Variants in MET observed in about 807,000 individuals in gnomAD.
MET encodes the protein MET proto-oncogene, receptor tyrosine kinase.
Under a neutral mutation model 133.1 loss-of-function variants are expected in MET, and 48 were observed. The ratio of observed to expected loss-of-function variants is 0.36; its 90% CI spans 0.29 to 0.46. The LOEUF (loss-of-function observed/expected upper bound fraction) is 0.46. MET is among the 20% of genes least tolerant of loss of function. The pLI is 1.00. For missense variants in MET, 1,442 were observed against 1,695.9 expected (o/e 0.85, Z 2.63); for synonymous variants, 628 against 616.5 (o/e 1.02, Z -0.28).
chr7:116,740,116 C>T (rs140508886), intron 4 of MET, 32 bp downstream of exon 4: 70 of 1,613,346 alleles, frequency 4.3e-5, no homozygotes, highest in African/African-American at 1.3e-4. Context: ...TTTCCATAGA[C>T]GTGGTTTTTC....
At chr7:116,778,646 C>A in intron 16 of MET, 130 bp from the exon 17 acceptor site, 1 of 973,392 alleles carries the variant, frequency 1.0e-6, no homozygotes, top group Non-Finnish European at 1.6e-6. Context: ...AAAGAACACT[C>A]TGCAGTCAAA....
Position 116,769,637 on chromosome 7 carries a change from C to G in MET, c.2584-8C>G, listed in dbSNP as rs370833501. On this transcript the variant is annotated splice_polypyrimidine_tract_variant and splice_region_variant and intron_variant, in intron 11 of 20. Coordinates refer to ENST00000397752, the MANE Select transcript of MET (RefSeq NM_000245.4). ...GTTAACAACCTTTTTTTTTTTTTTT[C>G]CTTTCAGGGAAATGATATTGACCCT... 6.5e-6 allele frequency: 10 copies of G among 1,532,616 alleles called. No homozygotes were observed. The African/African-American group carries it at 1.1e-4, about 16-fold the overall frequency. 94.9% of individuals were successfully genotyped at this position (1,532,616 alleles called of 1,614,324 possible). A position where few individuals can be genotyped will look rare whatever the true frequency, so the allele number is the denominator to read the frequency against.
chr7:116,777,955 C>A (rs1795044936), intron 16 of MET, among the ~76,000 whole-genome samples: 1 of 152,164 alleles, frequency 6.6e-6, no homozygotes, highest in Non-Finnish European at 1.5e-5. Context: ...CCTCATTTAT[C>A]CACATTTTTG....
At chr7:116,718,496 C>T (rs1041154057) in intron 2 of MET, among the ~76,000 whole-genome samples, 3 of 151,690 alleles carry the variant, frequency 2.0e-5, no homozygotes, top group Non-Finnish European at 2.9e-5. Flanking sequence ...AGTGGATAAG[C>T]CTTTTTTTTT....
intron 2 of MET, among the ~76,000 whole-genome samples, chr7:116,717,593 A>G (rs775694331): frequency 6.6e-6 from 1 of 152,234 alleles, no homozygotes; most frequent in Non-Finnish European, 1.5e-5. Flanking sequence ...TAAAGTATAT[A>G]TTCAAATGCT....
chr7:116,769,257 T>C (rs913250114), intron 11 of MET, among the ~76,000 whole-genome samples: 3 of 152,220 alleles, frequency 2.0e-5, no homozygotes, highest in Admixed American at 6.5e-5. Context: ...AATCTCTGCA[T>C]TGGGCAGTGT....
chr7:116,774,209 T>C (rs1794920284), intron 14 of MET, among the ~76,000 whole-genome samples: 1 of 152,194 alleles, frequency 6.6e-6, no homozygotes. Context: ...AGAGCTTTGG[T>C]TATAAAGATC....
Position 116,763,666 on chromosome 7 carries a change from ACTT to A in MET, c.2583+399_2583+401del, listed in dbSNP as rs199760475. ...TTGTATCTCCGTTCTTCCTTGTAAT[ACTT>A]GGAATTTTGTATCTGGGTATGGTCA... is the stretch of plus-strand genomic sequence containing the variant. On this transcript the variant is annotated intron_variant, in intron 11 of 20. Transcript: ENST00000397752. 1.7e-4 allele frequency among the ~76,000 whole-genome samples: 26 copies of A among 152,334 alleles called. No homozygotes were observed. The East Asian group carries it at 5.0e-3, about 29-fold the overall frequency.
rs1795706713 is a variant in MET at position 116,797,296 on chromosome 7, C to G, written c.*1172C>G. 1 of 224,304 alleles carries G rather than the reference C, an allele frequency of 4.5e-6. No homozygotes were observed. Among genetic ancestry groups the G allele is most frequent in the African/African-American group, 2.2e-5 (1 of 44,476 alleles). The allele number at this position is 224,304 out of a possible 1,614,324, so 13.9% of individuals were successfully genotyped here. On this transcript the variant is annotated 3_prime_UTR_variant, in exon 21 of 21. Coordinates refer to ENST00000397752, the MANE Select transcript of MET (RefSeq NM_000245.4). ...AGGTTCATTGGTTCCAATCACAGCT[C>G]ATAGGTAGAGCAAAGAAAGGGTGGA...
At chr7:116,777,954 T>C (rs1339645147) in intron 16 of MET, among the ~76,000 whole-genome samples, 1 of 152,228 alleles carries the variant, frequency 6.6e-6, no homozygotes, top group African/African-American at 2.4e-5. Flanking sequence ...ACCTCATTTA[T>C]CCACATTTTT....
At chr7:116,702,411 A>C (rs1021158996) in intron 2 of MET, among the ~76,000 whole-genome samples, 1 of 152,110 alleles carries the variant, frequency 6.6e-6, no homozygotes, top group Non-Finnish European at 1.5e-5. Flanking sequence ...CATATACCCC[A>C]TCCAGACCTC....
intron 16 of MET, among the ~76,000 whole-genome samples, chr7:116,778,431 T>C (rs1261479123): frequency 6.6e-6 from 1 of 152,220 alleles, no homozygotes; most frequent in Non-Finnish European, 1.5e-5. Flanking sequence ...ACATGCTAAG[T>C]AGTGTTCTAC....
intron 2 of MET, among the ~76,000 whole-genome samples, chr7:116,710,043 A>G (rs2116652403): frequency 6.6e-6 from 1 of 152,318 alleles, no homozygotes; most frequent in East Asian, 1.9e-4. Flanking sequence ...TGTATTAGTA[A>G]GAGTAATTGA....
chr7:116,730,032 C>T (rs1363305196), intron 2 of MET, among the ~76,000 whole-genome samples: 1 of 152,108 alleles, frequency 6.6e-6, no homozygotes, highest in Non-Finnish European at 1.5e-5. Flanking sequence ...TATGTTGCAG[C>T]TTGTAACTAT....
At chr7:116,680,291 A>C (rs1796303383) in intron 1 of MET, among the ~76,000 whole-genome samples, 1 of 152,236 alleles carries the variant, frequency 6.6e-6, no homozygotes, top group Admixed American at 6.5e-5. Flanking sequence ...ACCATCAGTA[A>C]TAAATCATAT....
At chr7:116,774,267 A>G (rs1194251734) in intron 14 of MET, among the ~76,000 whole-genome samples, 1 of 151,970 alleles carries the variant, frequency 6.6e-6, no homozygotes, top group South Asian at 2.1e-4. Flanking sequence ...TAACTAAACA[A>G]CAAGGATGGT....
chr7:116,776,839 A>C (rs1466835849), intron 15 of MET, among the ~76,000 whole-genome samples: 4 of 152,348 alleles, frequency 2.6e-5, no homozygotes, highest in Non-Finnish European at 5.9e-5. Flanking sequence ...CATCTGGGCA[A>C]CTGCCTTTCA....
chr7:116,754,166 A>T (rs551325522), intron 5 of MET, among the ~76,000 whole-genome samples: 7 of 152,200 alleles, frequency 4.6e-5, no homozygotes, highest in Non-Finnish European at 7.3e-5. Context: ...GAATGAATGA[A>T]TGAATGAATG....
intron 1 of MET, among the ~76,000 whole-genome samples, chr7:116,690,573 C>T (rs939172061): frequency 5.9e-5 from 9 of 152,208 alleles, no homozygotes; most frequent in Non-Finnish European, 1.3e-4. Flanking sequence ...GGATTTTTGA[C>T]ATGGCCTATT....
Sources: gnomAD v4.1 joint callset for allele counts (sites outside exome capture counted in the v4.1 genomes callset) on GRCh38, gnomAD v4.1.1 for gene constraint, MANE v1.5 for transcripts, NCBI Gene and HGNC (gene_info 2026-07-23, HGNC 2026-07-21) for gene names.